CACNA1C: variants seen among roughly 807,000 people sequenced by gnomAD.
The protein encoded by CACNA1C is calcium voltage-gated channel subunit alpha1 C, also known as voltage-dependent L-type calcium channel subunit alpha-1C.
CACNA1C carries 30 observed loss-of-function variants against 229.0 expected under a neutral mutation model. The ratio of observed to expected loss-of-function variants is 0.13; its 90% confidence interval spans 0.10 to 0.18. The LOEUF is 0.18. CACNA1C is among the 10% of genes least tolerant of loss of function. The probability of loss-of-function intolerance (pLI) is 1.00; values close to 1 mark genes in which losing one functional copy is unlikely to be tolerated. For missense variants in CACNA1C, 1,658 were observed against 2,845.0 expected (o/e 0.58, Z 9.49); for synonymous variants, 1,114 against 1,132.5 (o/e 0.98, Z 0.33).
chr12:2,208,007 C>T (rs1361933742), intron 3 of CACNA1C, among the ~76,000 whole-genome samples: 2 of 152,142 alleles, frequency 1.3e-5, no homozygotes, highest in Non-Finnish European at 2.9e-5. Flanking sequence ...AGGAACATAA[C>T]AAATAGCACA....
chr12:2,635,482 TAG>T (rs1282746401), intron 30 of CACNA1C, among the ~76,000 whole-genome samples: 7 of 152,182 alleles, frequency 4.6e-5, no homozygotes, highest in Non-Finnish European at 7.3e-5. Context: ...GCAGATGCTT[TAG>T]AGTTTTGATC....
In CACNA1C at chr12:2,567,757, A is replaced by C. The variant is rs1471077760; in HGVS notation, c.1858A>C (p.Arg620=). 1 of 1,613,014 alleles carries C rather than the reference A, an allele frequency of 6.2e-7. No individual in the cohort carries two copies. Among genetic ancestry groups the C allele is most frequent in the Non-Finnish European group, 8.5e-7 (1 of 1,179,148 alleles). The part of the protein sequence containing the change: ...IMSPLGISVL[R]CVRLLRIFKI... ...GTCCCCACTGGGCATCTCCGTGCTC[A>C]GATGCGTCCGGCTGCTGAGGATTTT... is the stretch of plus-strand genomic sequence containing the variant. The change falls in exon 13 of 47, where the codon AGA becomes CGA. Residue 620 remains arginine (R), a synonymous_variant. Transcript: ENST00000399655.
At chr12:2,367,707 T>C (rs1452044052) in intron 3 of CACNA1C, among the ~76,000 whole-genome samples, 2 of 151,992 alleles carry the variant, frequency 1.3e-5, no homozygotes, top group Non-Finnish European at 2.9e-5. Flanking sequence ...CTCTGGAAAT[T>C]TAGAAATAAA....
At chr12:2,062,809 C>G (rs2057978984) in intron 1 of CACNA1C, among the ~76,000 whole-genome samples, 1 of 152,208 alleles carries the variant, frequency 6.6e-6, no homozygotes, top group South Asian at 2.1e-4. Context: ...TTTCCTCAGT[C>G]ACTCCCTCCA....
Position 2,455,783 on chromosome 12 carries a change from G to A in CACNA1C, c.618-1784G>A, listed in dbSNP as rs533147965. The stretch of plus-strand genomic sequence containing the variant: ...TGACACCACCGCCTGTTCACTGACC[G>A]CTCTCTTCATGGGGCGCCGTTCTCT... On this transcript the variant is annotated intron_variant, in intron 4 of 46. Transcript: ENST00000399655. Among the ~76,000 whole-genome samples the A allele has an allele frequency of 4.6e-5, 7 of 152,202 alleles. No homozygotes were observed. In the East Asian group the frequency reaches 5.8e-4, roughly 13 times the overall value.
chr12:2,272,251 C>T (rs2085385055), intron 3 of CACNA1C, among the ~76,000 whole-genome samples: 1 of 152,216 alleles, frequency 6.6e-6, no homozygotes, highest in African/African-American at 2.4e-5. Context: ...CATTCTCCTA[C>T]TTGTTTTCAC....
chr12:2,628,637 T>A (rs556127163), intron 29 of CACNA1C, among the ~76,000 whole-genome samples: 4 of 152,284 alleles, frequency 2.6e-5, no homozygotes, highest in African/African-American at 9.6e-5. Flanking sequence ...CCGGGCGCAG[T>A]GGCTCACACC....
Position 2,115,261 on chromosome 12 carries a change from C to T in CACNA1C, c.87C>T (p.Asn29=), listed in dbSNP as rs765553171. Residue 29 remains asparagine, a synonymous_variant, in exon 2 of 47, where the codon AAC becomes AAT. Transcript: ENST00000399655. ...NYGSPRPAHA[N]MNANAAAGLA... is the part of the protein sequence containing the mutation. The stretch of plus-strand genomic sequence containing the variant: ...GGAGCCCACGCCCCGCCCATGCCAA[C>T]ATGAATGCCAATGCGGCAGCGGGGC... 1.9e-6 allele frequency: 3 copies of T among 1,592,134 alleles called. No homozygotes were observed. Among genetic ancestry groups the T allele is most frequent in the Non-Finnish European group, 2.6e-6 (3 of 1,168,246 alleles).
intron 3 of CACNA1C, among the ~76,000 whole-genome samples, chr12:2,312,461 GC>G (rs1293100480): frequency 5.3e-5 from 8 of 151,912 alleles, no homozygotes; most frequent in African/African-American, 2.4e-5. Flanking sequence ...CCATCCTTCT[GC>G]CCTCAGATCA....
chr12:2,086,722 A>G (rs2067826612), intron 1 of CACNA1C, among the ~76,000 whole-genome samples: 1 of 152,090 alleles, frequency 6.6e-6, no homozygotes, highest in Non-Finnish European at 1.5e-5. Context: ...CATTCAGCTA[A>G]TGTATGGAGA....
rs2153363781 is a variant in CACNA1C at position 2,595,907 on chromosome 12, C to T, written c.2697C>T (p.Asp899=). 6.2e-7 allele frequency: 1 copy of T among 1,613,760 alleles called. No individual in the cohort carries two copies. Among genetic ancestry groups the T allele is most frequent in the Non-Finnish European group, 8.5e-7 (1 of 1,179,828 alleles). Reference sequence around the variant, plus strand: ...TCCAGTGCCACCGCATTGTCAATGACACGATCTTCACCAACCTGATCCTCT... The same window carrying T: ...TCCAGTGCCACCGCATTGTCAATGATACGATCTTCACCAACCTGATCCTCT... ...FRLQCHRIVN[D]TIFTNLILFF... The change falls in exon 20 of 47, where the codon GAC becomes GAT. Residue 899 remains aspartate, a synonymous_variant. Transcript: ENST00000399655. This position sits in a 1 kb window ranked among gnomAD's most constrained non-coding sequence, Gnocchi z 4.1.
At chr12:2,316,999 CAGAA>C (rs1567021329) in intron 3 of CACNA1C, among the ~76,000 whole-genome samples, 1 of 152,172 alleles carries the variant, frequency 6.6e-6, no homozygotes, top group South Asian at 2.1e-4. Flanking sequence ...CAAAACAAAA[CAGAA>C]AGCAGAAAAC....
intron 9 of CACNA1C, among the ~76,000 whole-genome samples, chr12:2,540,385 C>G (rs77960991): frequency 3.9e-5 from 6 of 152,202 alleles, no homozygotes; most frequent in Non-Finnish European, 8.8e-5. Context: ...AGAGGAGACT[C>G]GGTGGGCAGG....
At chr12:2,016,376 T>C (rs1230471725) in intron 1 of CACNA1C, among the ~76,000 whole-genome samples, 1 of 152,200 alleles carries the variant, frequency 6.6e-6, no homozygotes, top group Non-Finnish European at 1.5e-5. Context: ...AACTAACTAT[T>C]GTACAATGTA....
chr12:2,125,646 A>C (rs2089705007), intron 3 of CACNA1C, among the ~76,000 whole-genome samples: 1 of 152,142 alleles, frequency 6.6e-6, no homozygotes, highest in Non-Finnish European at 1.5e-5. Context: ...CCCTGCTCCC[A>C]GAGATTCTGA....
intron 3 of CACNA1C, among the ~76,000 whole-genome samples, chr12:2,430,692 C>T (rs2099074249): frequency 6.6e-6 from 1 of 152,156 alleles, no homozygotes; most frequent in South Asian, 2.1e-4. Flanking sequence ...CTTCAGATGC[C>T]GCTTACTGGT....
Position 2,653,058 on chromosome 12 carries a change from C to T in CACNA1C, c.4075-777C>T, listed in dbSNP as rs998373485. Among the ~76,000 whole-genome samples, 1 of 152,218 alleles carries T rather than the reference C, an allele frequency of 6.6e-6. No individual in the cohort carries two copies. The highest frequency in any genetic ancestry group is 1.9e-4 in the East Asian group (1 of 5,178). ...CGGCGCCCGGGAACACGGGCTGGGC[C>T]TCCCATCCTGGGGACCATGGCCTGT... On this transcript the variant is annotated intron_variant, in intron 32 of 46. Coordinates refer to ENST00000399655, the MANE Select transcript of CACNA1C (RefSeq NM_000719.7). This position sits in a 1 kb window ranked among gnomAD's most constrained non-coding sequence, Gnocchi z 4.7.
intron 3 of CACNA1C, among the ~76,000 whole-genome samples, chr12:2,310,271 C>T (rs539032126): frequency 6.6e-6 from 1 of 151,846 alleles, no homozygotes; most frequent in East Asian, 1.9e-4. Flanking sequence ...CCAGGGCCTA[C>T]ATTCTATTCC....
chr12:2,106,327 C>T (rs2078526585), intron 1 of CACNA1C, among the ~76,000 whole-genome samples: 1 of 61,092 alleles, frequency 1.6e-5, no homozygotes, highest in African/African-American at 5.3e-5. Context: ...GGCACCCACC[C>T]CGGGGAGGGT....
Sources: gnomAD v4.1 joint callset for allele counts (sites outside exome capture counted in the v4.1 genomes callset) on GRCh38, gnomAD v4.1.1 for gene constraint, Gnocchi (gnomAD v3.1) non-coding constraint, MANE v1.5 for transcripts, NCBI Gene and HGNC (gene_info 2026-07-23, HGNC 2026-07-21) for gene names.